The following PPP1R9A variants were observed in gnomAD, a reference collection of about 807,000 sequenced individuals.
The protein encoded by PPP1R9A is neurabin-1.
In PPP1R9A, 59 loss-of-function variants were observed where a neutral mutation model predicts 141.9. That is an observed-to-expected ratio of 0.42 (90% CI 0.34 to 0.52). The LOEUF (loss-of-function observed/expected upper bound fraction) is 0.52. PPP1R9A is among the 20% of genes least tolerant of loss of function. The pLI is 0.10. For missense variants in PPP1R9A, 1,444 were observed against 1,611.9 expected, an observed-to-expected ratio of 0.90 and a Z score of 1.78; for synonymous variants, 500 against 569.7, an observed-to-expected ratio of 0.88 and a Z score of 1.74.
At chr7:95,146,868 G>T (rs986548491) in intron 4 of PPP1R9A, among the ~76,000 whole-genome samples, 2 of 152,036 alleles carry the variant, frequency 1.3e-5, no homozygotes, top group Non-Finnish European at 2.9e-5. Context: ...ATCTGTTTTG[G>T]TACCAGTATC....
chr7:95,289,849 C>T (rs750601543), intron 19 of PPP1R9A, among the ~76,000 whole-genome samples: 1 of 152,162 alleles, frequency 6.6e-6, no homozygotes, highest in Non-Finnish European at 1.5e-5. Context: ...ATTAATTACT[C>T]ATTTGGAAAG....
At chr7:95,075,118 TTC>T (rs1302118600) in intron 2 of PPP1R9A, among the ~76,000 whole-genome samples, 5 of 152,230 alleles carry the variant, frequency 3.3e-5, no homozygotes, top group Non-Finnish European at 5.9e-5. Flanking sequence ...ATGAATAATT[TTC>T]TCTGTTTATT....
rs1805312122 is a variant in PPP1R9A at position 95,286,294 on chromosome 7, T to C, written c.3698T>C (p.Leu1233Pro). 1.2e-6 allele frequency: 2 copies of C among 1,613,410 alleles called. No individual in the cohort carries two copies. Among genetic ancestry groups the C allele is most frequent in the African/African-American group, 2.7e-5 (2 of 74,880 alleles). ...GLGAEPKTPGLSQSLALSSDE... is the reference protein window; with the variant it reads ...GLGAEPKTPGPSQSLALSSDE... ...GGAGCAGAACCTAAAACACCAGGGC[T>C]CTCTCAGTCCTTAGCACTGTCATCA... Residue 1233 changes from leucine to proline, a missense_variant, in exon 18 of 20, where the codon CTC (leucine) becomes CCC (proline). Leu to Pro is a moderately conservative substitution (Grantham distance 98, BLOSUM62 -3). Around this residue, in one of 5 missense-constraint regions of PPP1R9A, gnomAD observed 459 missense variants for 513.8 expected, o/e 0.89. Coordinates refer to ENST00000433360, the MANE Select transcript of PPP1R9A (RefSeq NM_001166160.2).
chr7:95,090,469 C>CGCTCATT (rs1817196534), intron 2 of PPP1R9A, among the ~76,000 whole-genome samples: 1 of 151,828 alleles, frequency 6.6e-6, no homozygotes, highest in Admixed American at 6.6e-5. Context: ...TTTAAGATAA[C>CGCTCATT]ATTTACCAAA....
chr7:94,937,238 C>G (rs1029851593), intron 2 of PPP1R9A, among the ~76,000 whole-genome samples: 24 of 152,066 alleles, frequency 1.6e-4, no homozygotes, highest in African/African-American at 5.3e-4. Context: ...TCCAAGCTCT[C>G]CCTCTCCTAA....
chr7:95,173,138 C>T (rs1249670037), intron 5 of PPP1R9A, among the ~76,000 whole-genome samples: 2 of 151,870 alleles, frequency 1.3e-5, no homozygotes, highest in African/African-American at 2.4e-5. Context: ...AGGCAAAAAT[C>T]TGTAATTTTA....
rs946823056 is a variant in PPP1R9A, at chr7:95,292,199, G to A, written c.*1896G>A. On this transcript the variant is annotated 3_prime_UTR_variant, in exon 20 of 20. Transcript: ENST00000433360. ...CTGCCGTATTGGATACTCTATTAATGTCTTGAGATGTCTGGTGCTTTGTTA... is the reference window on the plus strand; with the variant it reads ...CTGCCGTATTGGATACTCTATTAATATCTTGAGATGTCTGGTGCTTTGTTA... 2 of 152,288 alleles carry A rather than the reference G, an allele frequency of 1.3e-5. No individual in the cohort carries two copies. The highest frequency in any genetic ancestry group is 2.4e-5 in the African/African-American group (1 of 41,448). The allele number at this position is 152,288 out of a possible 1,614,324, so 9.4% of individuals were successfully genotyped here.
chr7:95,220,599 A>G (rs1477662098), intron 7 of PPP1R9A, among the ~76,000 whole-genome samples: 2 of 152,112 alleles, frequency 1.3e-5, no homozygotes, highest in African/African-American at 4.8e-5. Context: ...GGCTACAACT[A>G]TCTGAATTTA....
chr7:95,179,100 T>A (rs879513586), intron 5 of PPP1R9A, among the ~76,000 whole-genome samples: 1 of 152,096 alleles, frequency 6.6e-6, no homozygotes, highest in African/African-American at 2.4e-5. Context: ...ATATCTCTAA[T>A]GAACACAGAT....
intron 2 of PPP1R9A, among the ~76,000 whole-genome samples, chr7:95,090,589 C>T (rs115261243): frequency 0.012 from 1,756 of 151,980 alleles, 59 homozygotes; most frequent in African/African-American, 0.04. Context: ...AGGCAGATCA[C>T]CTGAGGTCTG....
At chr7:95,139,827 GAAAAA>G in intron 4 of PPP1R9A, among the ~76,000 whole-genome samples, 1 of 126,060 alleles carries the variant, frequency 7.9e-6, no homozygotes, top group East Asian at 2.4e-4. Context: ...AAAAAAAAAA[GAAAAA>G]AAAAACCCTG....
chr7:95,008,067 A>G (rs1266076967), intron 2 of PPP1R9A, among the ~76,000 whole-genome samples: 2 of 152,094 alleles, frequency 1.3e-5, no homozygotes, highest in Admixed American at 6.5e-5. Flanking sequence ...GTGAGACTCC[A>G]TCTCAAATAA....
At chr7:95,023,125 G>A (rs1446486158) in intron 2 of PPP1R9A, among the ~76,000 whole-genome samples, 1 of 152,024 alleles carries the variant, frequency 6.6e-6, no homozygotes, top group East Asian at 1.9e-4. Flanking sequence ...TTTTTGGTTG[G>A]TAGGCTGTTA....
At chr7:95,067,295 G>T (rs890945033) in intron 2 of PPP1R9A, among the ~76,000 whole-genome samples, 24 of 152,154 alleles carry the variant, frequency 1.6e-4, no homozygotes, top group Admixed American at 4.6e-4. Flanking sequence ...TGACTGTGAA[G>T]TTTAGGCTAA....
At chr7:94,994,452 T>C (rs1363754764) in intron 2 of PPP1R9A, among the ~76,000 whole-genome samples, 1 of 152,208 alleles carries the variant, frequency 6.6e-6, no homozygotes, top group Non-Finnish European at 1.5e-5. Context: ...CTTTCACCAT[T>C]AAGTAAGATG....
intron 16 of PPP1R9A, 40 bp from the exon 17 acceptor site, chr7:95,283,978 C>A: frequency 6.8e-7 from 1 of 1,472,102 alleles, no homozygotes. Flanking sequence ...TTTTATCCGC[C>A]CTTTCTTTAT....
intron 2 of PPP1R9A, among the ~76,000 whole-genome samples, chr7:95,030,213 A>G (rs1442097486): frequency 2.6e-5 from 4 of 152,218 alleles, no homozygotes. Flanking sequence ...AAATAGTGTT[A>G]ATAACATATA....
chr7:95,150,352 G>A (rs545127407), intron 4 of PPP1R9A, among the ~76,000 whole-genome samples: 69 of 152,268 alleles, frequency 4.5e-4, no homozygotes, highest in Middle Eastern at 6.8e-3. Context: ...GCCCAGGCTG[G>A]AGTGCCGTGG....
At chr7:95,263,415 G>A (rs1267744864) in intron 12 of PPP1R9A, among the ~76,000 whole-genome samples, 1 of 108,204 alleles carries the variant, frequency 9.2e-6, no homozygotes, top group Non-Finnish European at 2.1e-5. Context: ...TTTCCAGTTT[G>A]TTGTTGTTGT....
Sources: gnomAD v4.1 joint callset for allele counts (sites outside exome capture counted in the v4.1 genomes callset) on GRCh38, gnomAD v4.1.1 for gene constraint, gnomAD v4.1.1 regional missense constraint, MANE v1.5 for transcripts, NCBI Gene and HGNC (gene_info 2026-07-23, HGNC 2026-07-21) for gene names.